The following SH3PXD2A variants were observed in gnomAD, a reference collection of about 807,000 sequenced individuals.
The protein encoded by SH3PXD2A is SH3 and PX domains 2A.
SH3PXD2A carries 32 observed loss-of-function variants against 115.2 expected under a neutral mutation model. That is an observed-to-expected ratio of 0.28 (90% CI 0.21 to 0.37). SH3PXD2A has a LOEUF of 0.37. Among genes scored for constraint, SH3PXD2A ranks in the 10% least tolerant of loss-of-function variants. SH3PXD2A has a pLI of 1.00. For synonymous variants in SH3PXD2A, 610 were observed against 629.1 expected (o/e 0.97, Z 0.45); for missense variants, 1,328 against 1,498.7 (o/e 0.89, Z 1.88).
At chr10:103,829,467 T>C (rs1471634115) in intron 1 of SH3PXD2A, among the ~76,000 whole-genome samples, 2 of 152,176 alleles carry the variant, frequency 1.3e-5, no homozygotes, top group African/African-American at 4.8e-5. Flanking sequence ...GGAAGGATTT[T>C]GTTTGTTTTT....
In SH3PXD2A at chr10:103,603,459, C is replaced by G. The variant is rs763008226; in HGVS notation, c.1759G>C (p.Ala587Pro). 8.3e-5 allele frequency: 133 copies of G among 1,611,856 alleles called. No individual in the cohort carries two copies. The highest frequency in any genetic ancestry group is 1.1e-4 in the Non-Finnish European group (127 of 1,178,978). Residue 587 changes from alanine (A) to proline (P), a missense_variant, in exon 15 of 15, where the codon GCC (alanine) becomes CCC (proline). Transcript: ENST00000369774. ...GCCGGCGAGGGCCGGTGGGGCTGGG[C>G]AGGCCGCCTCTCCCCTGAGGCTCTG... ...EDRASGERRP[A>P]QPHRPSPASS... is the part of the protein sequence containing the mutation.
intron 1 of SH3PXD2A, among the ~76,000 whole-genome samples, chr10:103,853,521 GCTGCATGC>G (rs1842914736): frequency 3.9e-5 from 6 of 152,326 alleles, no homozygotes; most frequent in Non-Finnish European, 8.8e-5. Flanking sequence ...CTAGTTACTG[GCTGCATGC>G]CAGGCTTTGA....
intron 5 of SH3PXD2A, among the ~76,000 whole-genome samples, chr10:103,715,599 G>T (rs1400735973): frequency 6.6e-6 from 1 of 152,232 alleles, no homozygotes; most frequent in Non-Finnish European, 1.5e-5. Context: ...ATTCTCCCCA[G>T]TGCCGGAGCA....
intron 6 of SH3PXD2A, among the ~76,000 whole-genome samples, chr10:103,681,752 ACGCGCC>A (rs914400708): frequency 1.1e-4 from 14 of 131,982 alleles, no homozygotes; most frequent in African/African-American, 2.7e-4. Context: ...ACACACACAC[ACGCGCC>A]CGCGCGCGCG....
chr10:103,654,967 C>G (rs1592284302), intron 8 of SH3PXD2A, among the ~76,000 whole-genome samples: 1 of 37,068 alleles, frequency 2.7e-5, no homozygotes, highest in Admixed American at 3.0e-4. Flanking sequence ...AGTGGAAGGG[C>G]CCAAGACTGG....
rs57283527 is a variant in SH3PXD2A, at chr10:103,728,897, G to GTT, written c.307-4538_307-4537dup. Among the ~76,000 whole-genome samples, 70 of 135,910 alleles carry GTT rather than the reference G, an allele frequency of 5.2e-4. 2 individuals carry two copies. The highest frequency in any genetic ancestry group is 1.9e-3 in the East Asian group (9 of 4,652). 89.2% of individuals were successfully genotyped at this position (135,910 alleles called of 152,430 possible). ...AGTTGTTTTTTTTGTTTGTTTGTTTGTTTTTTTTTTTTTGAGACAAAGTCT... is the reference window on the plus strand; with the variant it reads ...AGTTGTTTTTTTTGTTTGTTTGTTTGTTTTTTTTTTTTTTTGAGACAAAGTCT... On this transcript the variant is annotated intron_variant, in intron 4 of 14. Transcript: ENST00000369774.
chr10:103,613,037 G>C lies in SH3PXD2A; in HGVS notation c.1074C>G (p.Asp358Glu). 1.9e-6 allele frequency: 3 copies of C among 1,614,238 alleles called. No homozygotes were observed. The highest frequency in any genetic ancestry group is 2.5e-6 in the Non-Finnish European group (3 of 1,180,040). ...SNLLNKKASG[D>E]KETPPAEGEG... ...CGCCTTCGGCTGGTGGAGTTTCCTT[G>C]TCCCCAGACGCCTTCTTGTTCAGCA... Residue 358 changes from aspartate to glutamate, a missense_variant, in exon 12 of 15, where the codon GAC becomes GAG. Asp to Glu is a conservative substitution (Grantham distance 45). Around this residue, in one of 5 missense-constraint regions of SH3PXD2A, gnomAD observed 509 missense variants for 628.3 expected, o/e 0.81. Coordinates refer to ENST00000369774, the MANE Select transcript of SH3PXD2A (RefSeq NM_001394015.1).
chr10:103,851,688 C>T (rs1321656082), intron 1 of SH3PXD2A, among the ~76,000 whole-genome samples: 1 of 152,194 alleles, frequency 6.6e-6, no homozygotes, highest in East Asian at 1.9e-4. Context: ...ATTCAATGAC[C>T]TGCAGGAATC....
chr10:103,615,263 T>C (rs1241422716), intron 11 of SH3PXD2A, among the ~76,000 whole-genome samples: 1 of 152,170 alleles, frequency 6.6e-6, no homozygotes, highest in East Asian at 1.9e-4. Context: ...AGGGGGCTCA[T>C]GGAGGTGACG....
chr10:103,771,690 G>A (rs976110238), intron 2 of SH3PXD2A, among the ~76,000 whole-genome samples: 2 of 151,780 alleles, frequency 1.3e-5, no homozygotes, highest in Non-Finnish European at 2.9e-5. Context: ...AGCCAAGATC[G>A]TGCCACTGCA....
At chr10:103,811,093 C>CCGCTGAAAGGATGAACGTGCTG (rs2039266204) in intron 1 of SH3PXD2A, among the ~76,000 whole-genome samples, 1 of 152,202 alleles carries the variant, frequency 6.6e-6, no homozygotes, top group African/African-American at 2.4e-5. Flanking sequence ...CCAGGAGCGT[C>CCGCTGAAAGGATGAACGTGCTG]CGCTGAAAGG....
chr10:103,705,276 G>C (rs1382449382), intron 5 of SH3PXD2A, among the ~76,000 whole-genome samples: 2 of 152,182 alleles, frequency 1.3e-5, no homozygotes, highest in Non-Finnish European at 2.9e-5. Flanking sequence ...CCAAAGTATG[G>C]TGGCAAACAG....
At chr10:103,818,406 CT>C (rs1332189067) in intron 1 of SH3PXD2A, among the ~76,000 whole-genome samples, 1 of 152,240 alleles carries the variant, frequency 6.6e-6, no homozygotes. Context: ...ACAGCAGCAG[CT>C]GTGCCTGGCT....
In SH3PXD2A at chr10:103,666,873, G is replaced by T. The variant is rs554915535; in HGVS notation, c.472+1735C>A. Among the ~76,000 whole-genome samples, 1 of 152,220 alleles carries T rather than the reference G, an allele frequency of 6.6e-6. No homozygotes were observed. Among genetic ancestry groups the T allele is most frequent in the Non-Finnish European group, 1.5e-5 (1 of 68,044 alleles). On this transcript the variant is annotated intron_variant, in intron 7 of 14. Transcript: ENST00000369774. This position sits in a 1 kb window ranked among gnomAD's most constrained non-coding sequence, Gnocchi z 4.5. ...AGGCAGCTCGGTGCCAGGGCTGCAG[G>T]TGCCAGGAGAAGGGTGGGGAAGGGA... is the stretch of plus-strand genomic sequence containing the variant.
intron 5 of SH3PXD2A, among the ~76,000 whole-genome samples, chr10:103,702,284 C>G (rs1489891741): frequency 6.6e-6 from 1 of 152,236 alleles, no homozygotes; most frequent in African/African-American, 2.4e-5. Flanking sequence ...GTCCTGCCCT[C>G]TTTTTCATTT....
intron 6 of SH3PXD2A, chr10:103,673,681 G>C (rs1021538632): frequency 1.3e-5 from 2 of 152,230 alleles, no homozygotes; most frequent in African/African-American, 4.8e-5. Context: ...TCCAAATCTA[G>C]TCTGAAACCA....
chr10:103,629,966 C>T (rs1378503703), intron 8 of SH3PXD2A, among the ~76,000 whole-genome samples: 1 of 152,252 alleles, frequency 6.6e-6, no homozygotes, highest in Admixed American at 6.5e-5. Context: ...CCTTCGTTCC[C>T]TCTGCCTGAT....
At chr10:103,622,447 G>A (rs2036621352) in intron 10 of SH3PXD2A, 23 bp downstream of exon 10, 3 of 1,506,358 alleles carry the variant, frequency 2.0e-6, no homozygotes, top group African/African-American at 2.8e-5. Flanking sequence ...TGCGAGGGAG[G>A]AGAAGCCAGC....
chr10:103,838,842 T>C (rs2134314342), intron 1 of SH3PXD2A, among the ~76,000 whole-genome samples: 1 of 152,310 alleles, frequency 6.6e-6, no homozygotes, highest in African/African-American at 2.4e-5. Flanking sequence ...CATTTGGATG[T>C]TCTAATGGGG....
Sources: gnomAD v4.1 joint callset for allele counts (sites outside exome capture counted in the v4.1 genomes callset) on GRCh38, gnomAD v4.1.1 for gene constraint, gnomAD v4.1.1 regional missense constraint, Gnocchi (gnomAD v3.1) non-coding constraint, MANE v1.5 for transcripts, NCBI Gene and HGNC (gene_info 2026-07-23, HGNC 2026-07-21) for gene names.